POC5: variants seen among roughly 807,000 people sequenced by gnomAD.
POC5 encodes the protein POC5 centriolar protein.
A neutral mutation model predicts 62.9 loss-of-function variants in POC5; 48 were observed. That is an observed-to-expected ratio of 0.76 (90% CI 0.61 to 0.97). The LOEUF (loss-of-function observed/expected upper bound fraction) is 0.97. Ranked by LOEUF, POC5 falls within the 50% of genes least tolerant of loss-of-function variation. The pLI is 0.00. For synonymous variants in POC5, 236 were observed against 228.2 expected, an observed-to-expected ratio of 1.03 and a Z score of -0.31; for missense variants, 696 against 679.5, an observed-to-expected ratio of 1.02 and a Z score of -0.27.
chr5:75,676,831 A>G (rs2878522), intron 11 of POC5, among the ~76,000 whole-genome samples: 8 of 128,340 alleles, frequency 6.2e-5, no homozygotes, highest in East Asian at 5.2e-4. Flanking sequence ...TGTCTCAAAA[A>G]AAAAAATAAA....
At chr5:75,702,096 G>T (rs148359765) in intron 5 of POC5, among the ~76,000 whole-genome samples, 3 of 152,204 alleles carry the variant, frequency 2.0e-5, no homozygotes, top group South Asian at 2.1e-4. Flanking sequence ...AGCAACACCT[G>T]GGAGCTTGAC....
At chr5:75,678,897 C>T (rs1010058379) in intron 10 of POC5, among the ~76,000 whole-genome samples, 2 of 152,164 alleles carry the variant, frequency 1.3e-5, no homozygotes, top group Admixed American at 1.3e-4. Context: ...TTTCCACTGT[C>T]AATCAATTAC....
chr5:75,677,821 G>A lies in POC5; in HGVS notation c.1537C>T (p.Pro513Ser), dbSNP rs771564291. The change falls in exon 11 of 12, where the codon CCT becomes TCT. Residue 513 changes from proline (P) to serine (S), a missense_variant. Coordinates refer to ENST00000428202, the MANE Select transcript of POC5 (RefSeq NM_001099271.2). ...SSSLAIMGVSPPMSSVVVEKH... is the reference protein window; with the variant it reads ...SSSLAIMGVSSPMSSVVVEKH... ...TCCACAACAACTGAGCTCATGGGAG[G>A]AGAAACTCCCATTATAGCTAAACTG... 2.4e-5 allele frequency: 38 copies of A among 1,612,234 alleles called. No individual in the cohort carries two copies. The Middle Eastern group carries it at 9.9e-4, about 42-fold the overall frequency.
intron 9 of POC5, among the ~76,000 whole-genome samples, chr5:75,686,291 G>T (rs1038970715): frequency 1.3e-5 from 2 of 152,184 alleles, no homozygotes; most frequent in African/African-American, 4.8e-5. Context: ...CAAACAGTGT[G>T]GTGAGGGTTT....
chr5:75,698,551 G>A (rs1274821760), intron 5 of POC5, among the ~76,000 whole-genome samples: 4 of 151,834 alleles, frequency 2.6e-5, no homozygotes, highest in Non-Finnish European at 4.4e-5. Flanking sequence ...CAGGATCTCT[G>A]GGACACATTC....
chr5:75,702,580 T>C, intron 5 of POC5, 25 bp downstream of exon 5: 1 of 1,595,066 alleles, frequency 6.3e-7, no homozygotes, highest in Non-Finnish European at 8.6e-7. Flanking sequence ...TAAACAACTG[T>C]AATTGAAGAA....
chr5:75,706,642 C>T (rs1301571663), intron 3 of POC5, among the ~76,000 whole-genome samples: 3 of 151,934 alleles, frequency 2.0e-5, no homozygotes, highest in Admixed American at 2.0e-4. Flanking sequence ...TGGCACACTG[C>T]AGCCTTGAAC....
chr5:75,694,558 C>T (rs1776478003), intron 6 of POC5, 97 bp downstream of exon 6: 1 of 1,000,142 alleles, frequency 1.0e-6, no homozygotes, highest in African/African-American at 1.7e-5. Context: ...CTGATAGAAC[C>T]TGTATCTTGT....
chr5:75,694,972 A>G (rs1776499774), intron 5 of POC5, 141 bp from the exon 6 acceptor site: 1 of 605,682 alleles, frequency 1.7e-6, no homozygotes. Context: ...CACATTAATG[A>G]AAAACATATG....
chr5:75,706,016 T>A (rs1021398028), intron 3 of POC5, among the ~76,000 whole-genome samples: 1 of 152,216 alleles, frequency 6.6e-6, no homozygotes, highest in Non-Finnish European at 1.5e-5. Flanking sequence ...CAAATATAGA[T>A]GAGAGATAAT....
At chr5:75,706,324 G>A (rs1376635128) in intron 3 of POC5, among the ~76,000 whole-genome samples, 1 of 152,210 alleles carries the variant, frequency 6.6e-6, no homozygotes, top group African/African-American at 2.4e-5. Flanking sequence ...AAGCAACTGA[G>A]ATACCAAGAA....
chr5:75,695,186 C>T (rs1459464614), intron 5 of POC5, among the ~76,000 whole-genome samples: 1 of 152,142 alleles, frequency 6.6e-6, no homozygotes, highest in Admixed American at 6.5e-5. Flanking sequence ...ATAACTATGG[C>T]ATAGGCTAAG....
chr5:75,709,923 G>C (rs1286603048), intron 2 of POC5, among the ~76,000 whole-genome samples: 1 of 152,210 alleles, frequency 6.6e-6, no homozygotes, highest in Non-Finnish European at 1.5e-5. Flanking sequence ...TGGCCACCCA[G>C]CTACATTTCC....
chr5:75,679,118 T>C (rs1484866009), intron 10 of POC5, among the ~76,000 whole-genome samples: 2 of 152,182 alleles, frequency 1.3e-5, no homozygotes, highest in Non-Finnish European at 2.9e-5. Flanking sequence ...GATTTCCCCA[T>C]TTCATGTATT....
intron 10 of POC5, among the ~76,000 whole-genome samples, chr5:75,679,008 T>C (rs933454479): frequency 1.3e-5 from 2 of 152,178 alleles, no homozygotes; most frequent in African/African-American, 4.8e-5. Flanking sequence ...ATTCATCTTA[T>C]TTGCTAAGAA....
intron 5 of POC5, among the ~76,000 whole-genome samples, chr5:75,696,511 A>G (rs1286664387): frequency 1.3e-5 from 2 of 151,976 alleles, no homozygotes; most frequent in Non-Finnish European, 1.5e-5. Context: ...TGTCTGTTAG[A>G]AGGAAAACTA....
Position 75,694,834 on chromosome 5 carries a change from G to T in POC5, c.514-3C>A. ...CTTAGTTCAGATATGATGTTTGTCT[G>T]AAAAATTAATATAGTGACAATTAAG... On this transcript the variant is annotated splice_region_variant and splice_polypyrimidine_tract_variant and intron_variant, in intron 5 of 11. Coordinates refer to ENST00000428202, the MANE Select transcript of POC5 (RefSeq NM_001099271.2). The T allele has an allele frequency of 6.7e-7, 1 of 1,499,428 alleles. No homozygotes were observed. The highest frequency in any genetic ancestry group is 1.2e-5 in the South Asian group (1 of 80,896). 92.9% of individuals were successfully genotyped at this position (1,499,428 alleles called of 1,614,324 possible).
chr5:75,676,720 G>A (rs1775671773), intron 11 of POC5, among the ~76,000 whole-genome samples: 1 of 152,038 alleles, frequency 6.6e-6, no homozygotes, highest in Non-Finnish European at 1.5e-5. Flanking sequence ...TACTCGGGAG[G>A]CTGAGGCAGG....
At chr5:75,704,886 C>T (rs1777054751) in intron 4 of POC5, among the ~76,000 whole-genome samples, 1 of 152,190 alleles carries the variant, frequency 6.6e-6, no homozygotes, top group African/African-American at 2.4e-5. Context: ...AAGTCTCAGT[C>T]CAGTTCTAGT....
Sources: allele counts gnomAD v4.1 joint callset (sites outside exome capture counted in the v4.1 genomes callset), GRCh38; gene constraint gnomAD v4.1.1; transcripts MANE v1.5; gene names NCBI Gene and HGNC (gene_info 2026-07-23, HGNC 2026-07-21).